SGCD: variants seen among roughly 807,000 people sequenced by gnomAD.
The protein encoded by SGCD is sarcoglycan delta.
SGCD carries 18 observed loss-of-function variants against 36.6 expected under a neutral mutation model. The ratio of observed to expected loss-of-function variants is 0.49; its 90% confidence interval spans 0.34 to 0.73. The LOEUF is 0.73. Ranked by LOEUF, SGCD falls within the 30% of genes least tolerant of loss-of-function variation. The probability of loss-of-function intolerance (pLI) is 0.01; values close to 1 mark genes in which losing one functional copy is unlikely to be tolerated. For synonymous variants in SGCD, 133 were observed against 130.6 expected (o/e 1.02, Z -0.12); for missense variants, 387 against 346.7 (o/e 1.12, Z -0.92).
intron 6 of SGCD, among the ~76,000 whole-genome samples, chr5:156,625,101 G>A (rs1178461046): frequency 6.6e-6 from 1 of 152,164 alleles, no homozygotes; most frequent in Non-Finnish European, 1.5e-5. Flanking sequence ...ATGCCTCTCA[G>A]TAATAGCAGT....
rs373934673 is a variant in SGCD, at chr5:156,285,053, C to T, written c.-43-44481C>T. Among the ~76,000 whole-genome samples the T allele has an allele frequency of 1.3e-4, 20 of 152,118 alleles. No individual in the cohort carries two copies. The East Asian group carries it at 2.7e-3, about 21-fold the overall frequency. On this transcript the variant is annotated intron_variant, in intron 3 of 9. Transcript: ENST00000517913. ...AACACACAAACAGAGAGCTAAATCACGAGTGAACTCCCATTCACAATTGCT... is the reference window on the plus strand; with the variant it reads ...AACACACAAACAGAGAGCTAAATCATGAGTGAACTCCCATTCACAATTGCT...
intron 7 of SGCD, among the ~76,000 whole-genome samples, chr5:156,755,423 T>C (rs1057168844): frequency 4.6e-5 from 7 of 152,116 alleles, no homozygotes; most frequent in Non-Finnish European, 7.4e-5. Flanking sequence ...TCAATCAGAC[T>C]GTATAGGAGA....
At chr5:156,033,492 T>G (rs146311986) in intron 1 of SGCD, among the ~76,000 whole-genome samples, 2 of 152,294 alleles carry the variant, frequency 1.3e-5, no homozygotes, top group East Asian at 3.9e-4. Context: ...ATGCAGTATT[T>G]GACTTTCTGT....
intron 1 of SGCD, among the ~76,000 whole-genome samples, chr5:156,057,134 T>G (rs920379038): frequency 1.4e-5 from 2 of 146,694 alleles, no homozygotes; most frequent in African/African-American, 2.5e-5. Context: ...GAGTAGTTAA[T>G]GACATAGGAA....
At chr5:156,528,930 A>G (rs1039885244) in intron 4 of SGCD, among the ~76,000 whole-genome samples, 7 of 152,230 alleles carry the variant, frequency 4.6e-5, no homozygotes, top group African/African-American at 1.7e-4. Context: ...CCAGCTGTCT[A>G]GAATGACTAG....
At chr5:155,782,525 G>C in the SGCD span, among the ~76,000 whole-genome samples, 1 of 152,196 alleles carries the variant, frequency 6.6e-6, no homozygotes. Context: ...TTCAGTAACT[G>C]TCTCAGGGGG....
At chr5:156,594,870 G>C in intron 5 of SGCD, 62 bp from the exon 6 acceptor site, 1 of 1,085,346 alleles carries the variant, frequency 9.2e-7, no homozygotes, top group Non-Finnish European at 1.4e-6. Context: ...GAGACTAATG[G>C]TGTTTTCTCT....
the SGCD span, among the ~76,000 whole-genome samples, chr5:155,796,521 C>A: frequency 7.0e-4 from 106 of 151,462 alleles, 1 homozygote; most frequent in African/African-American, 2.4e-3. Flanking sequence ...ATCAATGATT[C>A]GGCCGGGCGC....
the SGCD span, among the ~76,000 whole-genome samples, chr5:155,773,958 A>G: frequency 6.6e-6 from 1 of 152,132 alleles, no homozygotes; most frequent in Non-Finnish European, 1.5e-5. Context: ...CTCACCCCAG[A>G]GTCCACTGTA....
intron 3 of SGCD, among the ~76,000 whole-genome samples, chr5:156,201,024 T>G (rs1764137177): frequency 6.6e-6 from 1 of 152,154 alleles, no homozygotes; most frequent in African/African-American, 2.4e-5. Context: ...ATGATTCCAT[T>G]TAGACATGAA....
chr5:156,590,589 T>C (rs72801157), intron 5 of SGCD, among the ~76,000 whole-genome samples: 7,444 of 152,198 alleles, frequency 0.049, 248 homozygotes, highest in South Asian at 0.1. Context: ...AACCTCCAGC[T>C]CCCAGATTTT....
intron 1 of SGCD, among the ~76,000 whole-genome samples, chr5:155,902,764 T>C (rs1477080694): frequency 6.6e-6 from 1 of 152,214 alleles, no homozygotes; most frequent in Admixed American, 6.5e-5. Context: ...ACTATTGTTC[T>C]GCTGTTCCTT....
the SGCD span, among the ~76,000 whole-genome samples, chr5:155,732,395 T>A: frequency 6.6e-6 from 1 of 152,232 alleles, no homozygotes; most frequent in Non-Finnish European, 1.5e-5. Context: ...TTATGTACCG[T>A]GGTAGCTGCT....
In SGCD at chr5:156,210,205, T is replaced by G. The variant is rs1435387317; in HGVS notation, c.-44+86186T>G. Among the ~76,000 whole-genome samples the G allele has an allele frequency of 3.2e-3, 491 of 152,302 alleles. 5 individuals are homozygous for G. The highest frequency in any genetic ancestry group is 3.1e-3 in the Non-Finnish European group (211 of 68,014). On this transcript the variant is annotated intron_variant, in intron 3 of 9. Transcript: ENST00000517913. ...CCGACCCAGGCAATAGGCACCCATC[T>G]GCTCACCTAGGCCAGCCTGCTTAAA...
At chr5:156,347,146 C>G (rs1269294557) in intron 3 of SGCD, among the ~76,000 whole-genome samples, 2 of 152,024 alleles carry the variant, frequency 1.3e-5, no homozygotes, top group African/African-American at 2.4e-5. Context: ...AATGTTTAAT[C>G]AGGAGAGCAA....
At chr5:155,777,406 G>A in the SGCD span, among the ~76,000 whole-genome samples, 2 of 150,754 alleles carry the variant, frequency 1.3e-5, no homozygotes, top group Non-Finnish European at 2.9e-5. Context: ...GTCCAGGCTG[G>A]AGTACAGTGG....
At chr5:155,790,375 G>T in the SGCD span, among the ~76,000 whole-genome samples, 1 of 152,034 alleles carries the variant, frequency 6.6e-6, no homozygotes, top group Non-Finnish European at 1.5e-5. Flanking sequence ...TAAACTTCCA[G>T]AGAATCAGAA....
intron 3 of SGCD, among the ~76,000 whole-genome samples, chr5:156,445,342 A>C (rs1359441115): frequency 6.6e-6 from 1 of 152,148 alleles, no homozygotes; most frequent in Non-Finnish European, 1.5e-5. Context: ...TTGACCTCCT[A>C]TCTGCCTGGT....
intron 3 of SGCD, among the ~76,000 whole-genome samples, chr5:156,497,168 GCACTCT>G (rs1300918314): frequency 2.8e-5 from 3 of 108,698 alleles, no homozygotes; most frequent in Non-Finnish European, 5.5e-5. Flanking sequence ...TCACTCTCCT[GCACTCT>G]CTCTCTCTCT....
Sources: gnomAD v4.1 joint callset for allele counts (sites outside exome capture counted in the v4.1 genomes callset) on GRCh38, gnomAD v4.1.1 for gene constraint, MANE v1.5 for transcripts, NCBI Gene and HGNC (gene_info 2026-07-23, HGNC 2026-07-21) for gene names.